The following RAB27A variants were observed in gnomAD, a reference collection of about 807,000 sequenced individuals.
RAB27A encodes ras-related protein Rab-27A.
In RAB27A, 17 loss-of-function variants were observed where a neutral mutation model predicts 20.8. The ratio of observed to expected loss-of-function variants is 0.82; its 90% CI spans 0.56 to 1.23. The LOEUF (loss-of-function observed/expected upper bound fraction) is 1.23. RAB27A is among the 50% of genes most tolerant of loss of function. The probability of loss-of-function intolerance (pLI) is 0.00; values close to 1 mark genes in which losing one functional copy is unlikely to be tolerated. For missense variants in RAB27A, 277 were observed against 266.7 expected (o/e 1.04, Z -0.27); for synonymous variants, 85 against 92.8 (o/e 0.92, Z 0.48).
intron 6 of RAB27A, among the ~76,000 whole-genome samples, chr15:55,216,768 T>C (rs964915556): frequency 1.3e-5 from 2 of 152,216 alleles, no homozygotes; most frequent in African/African-American, 4.8e-5. Context: ...ACACCAGAGA[T>C]GCTGCACTCA....
In RAB27A at chr15:55,256,232, T is replaced by A. The variant is rs576036375; in HGVS notation, c.-23+13933A>T. ...GAGATCAAAACCAACCTGGGCAACA[T>A]AATGAGATGCTGTTGTACAAAAATT... is the stretch of plus-strand genomic sequence containing the variant. On this transcript the variant is annotated intron_variant, in intron 2 of 6. Transcript: ENST00000336787. Among the ~76,000 whole-genome samples the A allele has an allele frequency of 2.2e-4, 33 of 151,582 alleles. No homozygotes were observed. The South Asian group carries it at 2.5e-3, about 11-fold the overall frequency.
intron 5 of RAB27A, among the ~76,000 whole-genome samples, 168 bp from the exon 6 acceptor site, chr15:55,224,180 G>A (rs1895705070): frequency 6.6e-6 from 1 of 152,164 alleles, no homozygotes; most frequent in Admixed American, 6.5e-5. Flanking sequence ...CTGAATAGTT[G>A]GGGCAGAAAT....
At chr15:55,250,117 C>G (rs1896832765) in intron 2 of RAB27A, among the ~76,000 whole-genome samples, 1 of 152,022 alleles carries the variant, frequency 6.6e-6, no homozygotes, top group Non-Finnish European at 1.5e-5. Context: ...CCTGCGCAAC[C>G]ACGCCCAGCT....
At chr15:55,225,404 AAATG>A in intron 5 of RAB27A, among the ~76,000 whole-genome samples, 1 of 152,208 alleles carries the variant, frequency 6.6e-6, no homozygotes, top group South Asian at 2.1e-4. Flanking sequence ...GTAAGGATTA[AAATG>A]AATTAATCCA....
At chr15:55,214,950 C>T (rs145486097) in intron 6 of RAB27A, among the ~76,000 whole-genome samples, 1 of 152,018 alleles carries the variant, frequency 6.6e-6, no homozygotes, top group South Asian at 2.1e-4. Context: ...CAATTATATC[C>T]ATTAAAAATC....
chr15:55,253,140 A>G (rs1274126491), intron 2 of RAB27A, among the ~76,000 whole-genome samples: 1 of 146,142 alleles, frequency 6.8e-6, no homozygotes, highest in African/African-American at 2.5e-5. Context: ...TCTGAAAAAA[A>G]AAAAAAGAAA....
chr15:55,306,734 G>C (rs2054998464), intron 2 of RAB27A, among the ~76,000 whole-genome samples: 3 of 152,188 alleles, frequency 2.0e-5, no homozygotes, highest in African/African-American at 7.2e-5. Flanking sequence ...CCTATACGAT[G>C]GGGCATCAAT....
intron 1 of RAB27A, among the ~76,000 whole-genome samples, chr15:55,314,405 T>C (rs1189113385): frequency 6.6e-6 from 1 of 152,150 alleles, no homozygotes; most frequent in Non-Finnish European, 1.5e-5. Context: ...TTCAACACAG[T>C]ACTGGAAGTA....
chr15:55,251,343 G>A (rs1896882793), intron 2 of RAB27A, among the ~76,000 whole-genome samples: 1 of 152,146 alleles, frequency 6.6e-6, no homozygotes, highest in Non-Finnish European at 1.5e-5. Flanking sequence ...GTCATTCCTG[G>A]GGAAAGGGTC....
intron 1 of RAB27A, among the ~76,000 whole-genome samples, chr15:55,314,375 GCT>G (rs2055034632): frequency 6.6e-6 from 1 of 152,180 alleles, no homozygotes. Context: ...GCATAAGGAT[GCT>G]CTCTGTCACT....
At chr15:55,216,227 T>C (rs1895296741) in intron 6 of RAB27A, among the ~76,000 whole-genome samples, 1 of 152,096 alleles carries the variant, frequency 6.6e-6, no homozygotes, top group East Asian at 1.9e-4. Flanking sequence ...TTATTTGTAA[T>C]GATGTTATTT....
intron 2 of RAB27A, among the ~76,000 whole-genome samples, chr15:55,259,735 G>A (rs759684187): frequency 3.3e-5 from 5 of 152,142 alleles, no homozygotes; most frequent in African/African-American, 7.2e-5. Flanking sequence ...ATATACAATC[G>A]TCATAGCACC....
intron 6 of RAB27A, among the ~76,000 whole-genome samples, chr15:55,222,927 C>T (rs946769733): frequency 6.6e-6 from 1 of 152,174 alleles, no homozygotes; most frequent in Admixed American, 6.5e-5. Context: ...CTTTTAGAGG[C>T]ACCCTTAACA....
chr15:55,206,268 AT>A, intron 6 of RAB27A: 1 of 724,120 alleles, frequency 1.4e-6, no homozygotes, highest in Non-Finnish European at 1.7e-6. Context: ...ATACATACTG[AT>A]TTACTGTAAA....
chr15:55,206,293 G>C (rs1000921695), intron 6 of RAB27A: 2 of 750,676 alleles, frequency 2.7e-6, no homozygotes, highest in African/African-American at 1.9e-5. Flanking sequence ...TTTATAAAAA[G>C]ATATAAGTAG....
At chr15:55,256,550 G>A (rs1045796729) in intron 2 of RAB27A, among the ~76,000 whole-genome samples, 2 of 152,246 alleles carry the variant, frequency 1.3e-5, no homozygotes, top group South Asian at 2.1e-4. Flanking sequence ...TTTCATGCAA[G>A]GGCATGTTTT....
At chr15:55,218,197 T>C (rs1895403938) in intron 6 of RAB27A, among the ~76,000 whole-genome samples, 1 of 152,176 alleles carries the variant, frequency 6.6e-6, no homozygotes, top group Admixed American at 6.5e-5. Context: ...AAGTGAGAAG[T>C]GAGTTTCACA....
intron 2 of RAB27A, among the ~76,000 whole-genome samples, chr15:55,248,329 T>G (rs1409139584): frequency 6.6e-6 from 1 of 152,192 alleles, no homozygotes; most frequent in Admixed American, 6.5e-5. Context: ...TCTCCTGGCT[T>G]TCCTGTCCCT....
In RAB27A at chr15:55,309,242, A is replaced by G. The variant is rs1216635392; in HGVS notation, c.-112+4797T>C. On this transcript the variant is annotated intron_variant, in intron 2 of 5. Transcript: ENST00000563262. ...GCCAAGGAACCCTCTTAGTTGCTTTAGAGTTTTGGGATGAGGATAAGCCAG... is the reference window on the plus strand; with the variant it reads ...GCCAAGGAACCCTCTTAGTTGCTTTGGAGTTTTGGGATGAGGATAAGCCAG... 3.0e-4 allele frequency among the ~76,000 whole-genome samples: 46 copies of G among 152,320 alleles called. 1 individual carries two copies. The highest frequency in any genetic ancestry group is 6.5e-5 in the Admixed American group (1 of 15,306).
Sources: gnomAD v4.1 joint callset for allele counts (sites outside exome capture counted in the v4.1 genomes callset) on GRCh38, gnomAD v4.1.1 for gene constraint, MANE v1.5 for transcripts, NCBI Gene and HGNC (gene_info 2026-07-23, HGNC 2026-07-21) for gene names.